LOC128462377: variants seen among roughly 807,000 people sequenced by gnomAD.
chr16:89,413,351 C>A, the LOC128462377 span, among the ~76,000 whole-genome samples: 106 of 152,246 alleles, frequency 7.0e-4, no homozygotes, highest in African/African-American at 2.4e-3. Context: ...GTGGACTGGG[C>A]GCAGTGGCTC....
At chr16:89,350,914 T>C in the LOC128462377 span, among the ~76,000 whole-genome samples, 1 of 152,186 alleles carries the variant, frequency 6.6e-6, no homozygotes, top group Non-Finnish European at 1.5e-5. Flanking sequence ...CTTTCCACGA[T>C]TCAGCAGGGT....
chr16:89,341,319 T>C, the LOC128462377 span, among the ~76,000 whole-genome samples: 1 of 152,192 alleles, frequency 6.6e-6, no homozygotes, highest in Admixed American at 6.5e-5. Flanking sequence ...TTTTAAATTA[T>C]TAATCAGGCA....
At chr16:89,362,990 A>G in the LOC128462377 span, among the ~76,000 whole-genome samples, 540 of 151,894 alleles carry the variant, frequency 3.6e-3, 13 homozygotes, top group African/African-American at 0.012. Context: ...CAGGTTATAA[A>G]TGACCCTGGT....
the LOC128462377 span, among the ~76,000 whole-genome samples, chr16:89,374,474 CCAGTA>C: frequency 2.0e-5 from 3 of 152,132 alleles, no homozygotes; most frequent in African/African-American, 4.8e-5. Flanking sequence ...ACTAATCGGC[CCAGTA>C]CAGAAAAAGC....
the LOC128462377 span, among the ~76,000 whole-genome samples, chr16:89,384,879 C>T: frequency 0.025 from 1,260 of 49,824 alleles, 34 homozygotes; most frequent in African/African-American, 0.073. Context: ...AAATAGTTTT[C>T]TTTTTTTTTT....
At chr16:89,391,707 G>A in the LOC128462377 span, among the ~76,000 whole-genome samples, 1 of 152,192 alleles carries the variant, frequency 6.6e-6, no homozygotes, top group Admixed American at 6.5e-5. Context: ...CAAGCTGACA[G>A]AGAATCAGTA....
chr16:89,319,149 C>T, the LOC128462377 span, among the ~76,000 whole-genome samples: 4 of 152,210 alleles, frequency 2.6e-5, no homozygotes, highest in African/African-American at 4.8e-5. Flanking sequence ...TAGAGTCCAC[C>T]GTCCTGATCC....
the LOC128462377 span, among the ~76,000 whole-genome samples, chr16:89,346,301 G>A: frequency 6.7e-6 from 1 of 148,756 alleles, no homozygotes; most frequent in Non-Finnish European, 1.5e-5. Context: ...ATGCGCCTCA[G>A]CCACGGAGCA....
the LOC128462377 span, among the ~76,000 whole-genome samples, chr16:89,355,522 G>A: frequency 9.5e-3 from 1,450 of 152,242 alleles, 34 homozygotes; most frequent in African/African-American, 0.032. Flanking sequence ...CCCCATGTCC[G>A]GCACATGCTC....
chr16:89,383,322 TGGCTGCTCTGGAGGGGCAGC>T, the LOC128462377 span, among the ~76,000 whole-genome samples: 1 of 152,248 alleles, frequency 6.6e-6, no homozygotes, highest in Non-Finnish European at 1.5e-5. Context: ...CATGCCTGCC[TGGCTGCTCTGGAGGGGCAGC>T]AGCAGCCCCA....
the LOC128462377 span, among the ~76,000 whole-genome samples, chr16:89,347,478 G>A: frequency 6.6e-6 from 1 of 152,192 alleles, no homozygotes; most frequent in African/African-American, 2.4e-5. Context: ...GGGCGTGGTG[G>A]CAGGCGCCGG....
chr16:89,414,404 C>T, the LOC128462377 span, among the ~76,000 whole-genome samples: 1 of 152,308 alleles, frequency 6.6e-6, no homozygotes, highest in Admixed American at 6.5e-5. Context: ...GAACCGCGTG[C>T]TGGGGTCATC....
chr16:89,377,134 A>G, the LOC128462377 span, among the ~76,000 whole-genome samples: 1 of 152,222 alleles, frequency 6.6e-6, no homozygotes, highest in African/African-American at 2.4e-5. Context: ...GAACCCCGTG[A>G]GTTCAACAGC....
At chr16:89,411,571 G>A in the LOC128462377 span, among the ~76,000 whole-genome samples, 2 of 151,952 alleles carry the variant, frequency 1.3e-5, no homozygotes, top group Non-Finnish European at 2.9e-5. Context: ...ACACAACCAC[G>A]CCTGGCTAAT....
At chr16:89,384,183 G>A in the LOC128462377 span, among the ~76,000 whole-genome samples, 2 of 152,162 alleles carry the variant, frequency 1.3e-5, no homozygotes, top group African/African-American at 4.8e-5. Context: ...ATGTGCTCCT[G>A]CACTCCAGCC....
At chr16:89,415,829 C>CAAAAAAAAAAAAAAAAAACA in the LOC128462377 span, among the ~76,000 whole-genome samples, 1 of 39,744 alleles carries the variant, frequency 2.5e-5, no homozygotes, top group African/African-American at 9.3e-5. Context: ...GACTCTGTCT[C>CAAAAAAAAAAAAAAAAAACA]AAAAAAAAAA....
the LOC128462377 span, among the ~76,000 whole-genome samples, chr16:89,330,687 G>T: frequency 4.6e-5 from 5 of 108,002 alleles, no homozygotes; most frequent in African/African-American, 1.5e-4. Flanking sequence ...GGGGGCGGAG[G>T]AAGCTGCAGC....
the LOC128462377 span, among the ~76,000 whole-genome samples, chr16:89,401,897 T>TC: frequency 7.2e-6 from 1 of 139,850 alleles, no homozygotes; most frequent in Non-Finnish European, 1.6e-5. Context: ...CACCAGAGAC[T>TC]CCCCCATCCC....
the LOC128462377 span, among the ~76,000 whole-genome samples, chr16:89,404,102 G>C: frequency 6.6e-6 from 1 of 152,122 alleles, no homozygotes; most frequent in Non-Finnish European, 1.5e-5. Context: ...CTGCTAGCCC[G>C]GCACATGATT....
Sources: allele counts gnomAD v4.1 joint callset (sites outside exome capture counted in the v4.1 genomes callset), GRCh38; gene constraint gnomAD v4.1.1; transcripts MANE v1.5.